The following PRKD3 variants were observed in gnomAD, a reference collection of about 807,000 sequenced individuals.
PRKD3 encodes serine/threonine-protein kinase D3.
Under a neutral mutation model 99.2 loss-of-function variants are expected in PRKD3, and 47 were observed. That is an observed-to-expected ratio of 0.47 (90% confidence interval 0.38 to 0.60). The LOEUF (loss-of-function observed/expected upper bound fraction) is 0.60. Among genes scored for constraint, PRKD3 ranks in the 20% least tolerant of loss-of-function variants. PRKD3 has a pLI of 0.00. For missense variants in PRKD3, 1,019 were observed against 1,088.4 expected (o/e 0.94, Z 0.90); for synonymous variants, 392 against 355.4 (o/e 1.10, Z -1.16).
chr2:37,260,302 T>C lies in PRKD3; in HGVS notation c.1967A>G (p.His656Arg), dbSNP rs1668318376. 2 of 1,609,234 alleles carry C rather than the reference T, an allele frequency of 1.2e-6. No individual in the cohort carries two copies. Among genetic ancestry groups the C allele is most frequent in the East Asian group, 2.2e-5 (1 of 44,830 alleles). ...TAGAATCATTTCCAACATATCTCCATGCAGCTTTTCCATTACTACAAAGAC... is the reference window on the plus strand; with the variant it reads ...TAGAATCATTTCCAACATATCTCCACGCAGCTTTTCCATTACTACAAAGAC... ...ERVFVVMEKL[H>R]GDMLEMILSS... is the part of the protein sequence containing the mutation. The change falls in exon 15 of 19, where the codon CAT (histidine) becomes CGT (arginine). Residue 656 changes from histidine to arginine, a missense_variant. Around this residue, in one of 3 missense-constraint regions of PRKD3, gnomAD observed 184 missense variants for 275.1 expected, o/e 0.67. Transcript: ENST00000234179.
intron 1 of PRKD3, among the ~76,000 whole-genome samples, chr2:37,322,681 AT>A (rs1304759522): frequency 6.6e-5 from 10 of 152,170 alleles, no homozygotes; most frequent in South Asian, 2.1e-4. Flanking sequence ...AAATGGAAAA[AT>A]TTTTTTTCCT....
In PRKD3 at chr2:37,252,251, TA is replaced by T. The variant is rs1371390145; in HGVS notation, c.*925del. 6.6e-6 allele frequency: 1 copy of T among 152,170 alleles called. No homozygotes were observed. Among genetic ancestry groups the T allele is most frequent in the African/African-American group, 2.4e-5 (1 of 41,436 alleles). The allele number at this position is 152,170 out of a possible 1,614,324, so 9.4% of individuals were successfully genotyped here. ...TTAACTGACCCTGCACTGGCCCTGC[TA>T]AAAAGCAGAAATTACTGACTGAACC... On this transcript the variant is annotated 3_prime_UTR_variant, in exon 19 of 19. Coordinates refer to ENST00000234179, the MANE Select transcript of PRKD3 (RefSeq NM_005813.6).
intron 1 of PRKD3, 48 bp from the exon 2 acceptor site, chr2:37,317,227 C>T (rs911009732): frequency 9.1e-6 from 7 of 767,358 alleles, no homozygotes; most frequent in East Asian, 2.6e-4. Context: ...ATTCATTCGA[C>T]ATTAATTTAA....
intron 3 of PRKD3, among the ~76,000 whole-genome samples, chr2:37,292,015 G>C (rs1051475929): frequency 4.6e-5 from 7 of 152,184 alleles, no homozygotes; most frequent in African/African-American, 1.7e-4. Flanking sequence ...GCAAGAATGC[G>C]TGAGGTGGAA....
intron 11 of PRKD3, among the ~76,000 whole-genome samples, chr2:37,272,996 G>C (rs745596845): frequency 1.5e-4 from 23 of 151,750 alleles, no homozygotes; most frequent in Non-Finnish European, 3.1e-4. Context: ...GGGGGAGGGG[G>C]GGAAGTGGAG....
intron 11 of PRKD3, among the ~76,000 whole-genome samples, chr2:37,274,213 C>A (rs1669444638): frequency 6.6e-6 from 1 of 152,044 alleles, no homozygotes; most frequent in African/African-American, 2.4e-5. Flanking sequence ...GACTCTGGAG[C>A]CTAGCACTGG....
chr2:37,265,017 A>C (rs1171945930), intron 14 of PRKD3, among the ~76,000 whole-genome samples: 2 of 152,162 alleles, frequency 1.3e-5, no homozygotes, highest in Admixed American at 1.3e-4. Context: ...TAATATGCGC[A>C]ATCTTCACCC....
At chr2:37,282,865 C>T (rs1669915929) in intron 6 of PRKD3, among the ~76,000 whole-genome samples, 1 of 152,144 alleles carries the variant, frequency 6.6e-6, no homozygotes, top group Admixed American at 6.6e-5. Context: ...ATTTCCTTCT[C>T]TTATGTCATA....
chr2:37,266,790 A>C (rs1416339293), intron 14 of PRKD3, among the ~76,000 whole-genome samples: 1 of 152,114 alleles, frequency 6.6e-6, no homozygotes, highest in Non-Finnish European at 1.5e-5. Flanking sequence ...ACCTGGCCAG[A>C]ATGAGCTATT....
chr2:37,261,761 CAA>C (rs1011447919), intron 14 of PRKD3, among the ~76,000 whole-genome samples: 13 of 152,324 alleles, frequency 8.5e-5, no homozygotes, highest in African/African-American at 2.9e-4. Flanking sequence ...GCCTGGGCAA[CAA>C]GAGCAAAACT....
intron 1 of PRKD3, among the ~76,000 whole-genome samples, chr2:37,318,190 C>G (rs1671742931): frequency 6.6e-6 from 1 of 151,876 alleles, no homozygotes; most frequent in Non-Finnish European, 1.5e-5. Context: ...AAGCACACAA[C>G]TATAGTATTA....
At position 37,305,924 on chromosome 2, in the gene PRKD3, C is replaced by G. The variant is rs146759773; in HGVS notation, c.288+10313G>C. Among the ~76,000 whole-genome samples the G allele has an allele frequency of 3.6e-3, 541 of 152,272 alleles. 3 individuals carry two copies. The highest frequency in any genetic ancestry group is 0.013 in the African/African-American group (523 of 41,536). On this transcript the variant is annotated intron_variant, in intron 2 of 18. Coordinates refer to ENST00000234179, the MANE Select transcript of PRKD3 (RefSeq NM_005813.6). Reference sequence around the variant, plus strand: ...GAGGTGGACTTTATGACACTAGTTTCACACCTGAGAAAACTGAGGGTCAGA... The same window carrying G: ...GAGGTGGACTTTATGACACTAGTTTGACACCTGAGAAAACTGAGGGTCAGA...
At chr2:37,257,535 G>A (rs1328700363) in intron 16 of PRKD3, among the ~76,000 whole-genome samples, 4 of 151,798 alleles carry the variant, frequency 2.6e-5, no homozygotes, top group Non-Finnish European at 4.4e-5. Flanking sequence ...GCGTGGTGGC[G>A]GGTGCCTGTA....
Position 37,267,544 on chromosome 2 carries a change from G to C in PRKD3, c.1778-8C>G. ...CAGTCTTTCTATGTTTTCCTATTAAGAAAAAAAGAAGAGGAACGAATGAAG... is the reference window on the plus strand; with the variant it reads ...CAGTCTTTCTATGTTTTCCTATTAACAAAAAAAGAAGAGGAACGAATGAAG... On this transcript the variant is annotated splice_polypyrimidine_tract_variant and splice_region_variant and intron_variant, in intron 13 of 18. Coordinates refer to ENST00000234179, the MANE Select transcript of PRKD3 (RefSeq NM_005813.6). 1.3e-6 allele frequency: 2 copies of C among 1,578,470 alleles called. No homozygotes were observed. The highest frequency in any genetic ancestry group is 1.7e-6 in the Non-Finnish European group (2 of 1,153,920).
intron 2 of PRKD3, among the ~76,000 whole-genome samples, chr2:37,294,935 T>C (rs1475626670): frequency 1.3e-5 from 2 of 152,102 alleles, no homozygotes; most frequent in African/African-American, 4.8e-5. Context: ...ATTAGCCAGG[T>C]GTGGTGGTGC....
chr2:37,272,011 C>T (rs75741691), intron 12 of PRKD3, among the ~76,000 whole-genome samples: 14,452 of 152,208 alleles, frequency 0.095, 1,094 homozygotes, highest in East Asian at 0.35. Context: ...TGTTCCCCAA[C>T]CCTCATCCAT....
At chr2:37,259,053 A>AAAAAAAAAAAACTCAACTG (rs1668206306) in intron 16 of PRKD3, among the ~76,000 whole-genome samples, 1 of 23,556 alleles carries the variant, frequency 4.2e-5, no homozygotes, top group Non-Finnish European at 1.0e-4. Context: ...GAACACTTGG[A>AAAAAAAAAAAACTCAACTG]AAAAAAAAAA....
Position 37,316,378 on chromosome 2 carries a change from T to C in PRKD3, c.147A>G (p.Ser49=). 3 of 1,614,122 alleles carry C rather than the reference T, an allele frequency of 1.9e-6. No homozygotes were observed. Among genetic ancestry groups the C allele is most frequent in the Non-Finnish European group, 2.5e-6 (3 of 1,180,022 alleles). Reference sequence around the variant, plus strand: ...GCACTGAGCCTCTGGAGTTGGTGAGTGATGGTGCACTGAAGCTTCCATTAG... The same window carrying C: ...GCACTGAGCCTCTGGAGTTGGTGAGCGATGGTGCACTGAAGCTTCCATTAG... ...RLSNGSFSAP[S]LTNSRGSVHT... Residue 49 remains serine, a synonymous_variant, in exon 2 of 19, where the codon TCA becomes TCG. Coordinates refer to ENST00000234179, the MANE Select transcript of PRKD3 (RefSeq NM_005813.6).
intron 6 of PRKD3, among the ~76,000 whole-genome samples, chr2:37,285,568 G>C (rs1474886090): frequency 6.6e-6 from 1 of 152,112 alleles, no homozygotes; most frequent in East Asian, 1.9e-4. Flanking sequence ...GCTTATATGT[G>C]TGTGTAATAA....
Sources: gnomAD v4.1 joint callset for allele counts (sites outside exome capture counted in the v4.1 genomes callset) on GRCh38, gnomAD v4.1.1 for gene constraint, gnomAD v4.1.1 regional missense constraint, MANE v1.5 for transcripts, NCBI Gene and HGNC (gene_info 2026-07-23, HGNC 2026-07-21) for gene names.